Variants in KCNJ6 observed in about 807,000 individuals in gnomAD.
The protein encoded by KCNJ6 is G protein-activated inward rectifier potassium channel 2.
A neutral mutation model predicts 34.2 loss-of-function variants in KCNJ6; 9 were observed. The observed-to-expected ratio is 0.26, with a 90% confidence interval of 0.16 to 0.46. The LOEUF (loss-of-function observed/expected upper bound fraction) is 0.46. KCNJ6 is among the 20% of genes least tolerant of loss of function. The pLI is 1.00. For synonymous variants in KCNJ6, 196 were observed against 207.1 expected, an observed-to-expected ratio of 0.95 and a Z score of 0.46; for missense variants, 236 against 531.3, an observed-to-expected ratio of 0.44 and a Z score of 5.46.
intron 2 of KCNJ6, among the ~76,000 whole-genome samples, chr21:37,788,367 A>G (rs2055201487): frequency 6.6e-6 from 1 of 152,220 alleles, no homozygotes; most frequent in Non-Finnish European, 1.5e-5. Flanking sequence ...GTGGTTACTA[A>G]TATAAATCAA....
intron 2 of KCNJ6, among the ~76,000 whole-genome samples, chr21:37,839,440 T>C (rs1180661158): frequency 6.6e-6 from 1 of 152,226 alleles, no homozygotes. Context: ...TTTAACGTTA[T>C]ATTTTCTTGG....
intron 2 of KCNJ6, among the ~76,000 whole-genome samples, chr21:37,748,631 G>A (rs1156747580): frequency 2.0e-5 from 3 of 152,208 alleles, no homozygotes; most frequent in African/African-American, 7.2e-5. Flanking sequence ...AAAGCCACAG[G>A]TTCTTCCAGT....
rs1416152586 is a variant in KCNJ6 at position 37,612,314 on chromosome 21, A to G, written c.*12845T>C. Reference sequence around the variant, plus strand: ...GTATAAATCTAACAATATGTATAAGATCTACATGAGGAAAACTACAAAACT... The same window carrying G: ...GTATAAATCTAACAATATGTATAAGGTCTACATGAGGAAAACTACAAAACT... On this transcript the variant is annotated 3_prime_UTR_variant, in exon 4 of 4. Transcript: ENST00000609713. 6.6e-6 allele frequency: 1 copy of G among 152,226 alleles called. No homozygotes were observed. Among genetic ancestry groups the G allele is most frequent in the East Asian group, 1.9e-4 (1 of 5,198 alleles). 9.4% of individuals were successfully genotyped at this position (152,226 alleles called of 1,614,324 possible).
chr21:37,811,045 A>G (rs1008179579), intron 2 of KCNJ6, among the ~76,000 whole-genome samples: 2 of 152,172 alleles, frequency 1.3e-5, no homozygotes, highest in Non-Finnish European at 2.9e-5. Flanking sequence ...TCCTCCGGGA[A>G]GAGGAGAGAG....
intron 3 of KCNJ6, among the ~76,000 whole-genome samples, chr21:37,693,587 C>T (rs928577594): frequency 6.6e-6 from 1 of 150,832 alleles, no homozygotes; most frequent in Non-Finnish European, 1.5e-5. Flanking sequence ...CGAGAGTGGG[C>T]AGGAAGAGAG....
At position 37,793,010 on chromosome 21, in the gene KCNJ6, G is replaced by C. The variant is rs148398337; in HGVS notation, c.25+47648C>G. Among the ~76,000 whole-genome samples, 78 of 152,220 alleles carry C rather than the reference G, an allele frequency of 5.1e-4. No individual in the cohort carries two copies. The East Asian group carries it at 0.015, about 29-fold the overall frequency. On this transcript the variant is annotated intron_variant, in intron 2 of 3. Coordinates refer to ENST00000609713, the MANE Select transcript of KCNJ6 (RefSeq NM_002240.5). ...ATGTACCAGCTAAGGGTGCTCCGGG[G>C]GGACTCTGATCCTAGGGCTTGTCAA...
intron 3 of KCNJ6, among the ~76,000 whole-genome samples, chr21:37,626,987 C>A (rs2054314106): frequency 6.6e-6 from 1 of 152,084 alleles, no homozygotes; most frequent in Non-Finnish European, 1.5e-5. Context: ...AGCCAGCCAG[C>A]CAGTCAGTAT....
At chr21:37,884,853 C>T (rs2055727418) in intron 1 of KCNJ6, among the ~76,000 whole-genome samples, 2 of 152,220 alleles carry the variant, frequency 1.3e-5, no homozygotes, top group South Asian at 4.1e-4. Context: ...CGTCTCACTT[C>T]TACAGTCAGA....
At chr21:37,755,240 A>G (rs1250436910) in intron 2 of KCNJ6, among the ~76,000 whole-genome samples, 1 of 152,174 alleles carries the variant, frequency 6.6e-6, no homozygotes, top group Non-Finnish European at 1.5e-5. Context: ...TGACTTTTAT[A>G]GCTTCTGGTT....
chr21:37,871,322 T>C (rs990768344), intron 1 of KCNJ6, among the ~76,000 whole-genome samples: 1 of 152,200 alleles, frequency 6.6e-6, no homozygotes, highest in Non-Finnish European at 1.5e-5. Context: ...CTGCTCTGCC[T>C]TGCACCGTAA....
At position 37,691,051 on chromosome 21, in the gene KCNJ6, G is replaced by A. The variant is rs142710552; in HGVS notation, c.946+23160C>T. 2.2e-3 allele frequency among the ~76,000 whole-genome samples: 341 copies of A among 152,296 alleles called. 6 individuals carry two copies. In the East Asian group the frequency reaches 0.034, roughly 15 times the overall value. ...CTGCCTCAGCCTCCTAAAGTGCTGG[G>A]ATTACAGGCATGAGCCACCGTACCT... On this transcript the variant is annotated intron_variant, in intron 3 of 3. Coordinates refer to ENST00000609713, the MANE Select transcript of KCNJ6 (RefSeq NM_002240.5).
intron 2 of KCNJ6, among the ~76,000 whole-genome samples, chr21:37,799,568 A>G (rs1455395865): frequency 1.3e-5 from 2 of 152,208 alleles, no homozygotes; most frequent in Non-Finnish European, 2.9e-5. Flanking sequence ...CAGAAAAAAT[A>G]ATGCCTCAGT....
intron 2 of KCNJ6, among the ~76,000 whole-genome samples, chr21:37,827,302 T>C (rs2055403717): frequency 6.6e-6 from 1 of 152,118 alleles, no homozygotes; most frequent in South Asian, 2.1e-4. Flanking sequence ...ACTTGCATAT[T>C]TGGCAGGAAA....
At chr21:37,769,259 A>G (rs996964851) in intron 2 of KCNJ6, among the ~76,000 whole-genome samples, 9 of 152,120 alleles carry the variant, frequency 5.9e-5, no homozygotes, top group Admixed American at 2.0e-4. Context: ...GTAAGGTCAC[A>G]TGGAAAAGGT....
At chr21:37,716,575 G>T (rs949130626) in intron 2 of KCNJ6, among the ~76,000 whole-genome samples, 1 of 151,742 alleles carries the variant, frequency 6.6e-6, no homozygotes, top group Non-Finnish European at 1.5e-5. Context: ...GGAGACGGGG[G>T]TCTCACTATG....
chr21:37,715,725 G>A (rs1026081291), intron 2 of KCNJ6, among the ~76,000 whole-genome samples: 1 of 152,176 alleles, frequency 6.6e-6, no homozygotes, highest in Non-Finnish European at 1.5e-5. Flanking sequence ...TATGCGAAGA[G>A]GGAGAGACAC....
At chr21:37,755,715 T>TGA (rs1220176257) in intron 2 of KCNJ6, among the ~76,000 whole-genome samples, 4 of 152,166 alleles carry the variant, frequency 2.6e-5, no homozygotes, top group Non-Finnish European at 5.9e-5. Context: ...GACCCTATCA[T>TGA]GAGAAGCCAT....
At chr21:37,789,240 C>G (rs1301308987) in intron 2 of KCNJ6, among the ~76,000 whole-genome samples, 3 of 152,168 alleles carry the variant, frequency 2.0e-5, no homozygotes, top group Non-Finnish European at 4.4e-5. Context: ...TTGTGTTCCC[C>G]CACATTTACA....
intron 3 of KCNJ6, among the ~76,000 whole-genome samples, chr21:37,683,751 C>A (rs1233862498): frequency 2.0e-5 from 3 of 152,154 alleles, no homozygotes; most frequent in South Asian, 4.2e-4. Context: ...AGTGGCCCCA[C>A]AGAGCTGGGG....
Sources: allele counts gnomAD v4.1 joint callset (sites outside exome capture counted in the v4.1 genomes callset), GRCh38; gene constraint gnomAD v4.1.1; transcripts MANE v1.5; gene names NCBI Gene and HGNC (gene_info 2026-07-23, HGNC 2026-07-21).